Variants in CCDC87 observed in about 807,000 individuals in gnomAD.
CCDC87 encodes coiled-coil domain containing 87.
For synonymous variants in CCDC87, 434 were observed against 440.2 expected, an observed-to-expected ratio of 0.99 and a Z score of 0.18; for missense variants, 1,072 against 1,041.7, an observed-to-expected ratio of 1.03 and a Z score of -0.40.
At position 66,592,393 on chromosome 11, in the gene CCDC87, G is replaced by C. The variant is rs1185181070; in HGVS notation, c.623C>G (p.Pro208Arg). 1 of 1,613,982 alleles carries C rather than the reference G, an allele frequency of 6.2e-7. No homozygotes were observed. Among genetic ancestry groups the C allele is most frequent in the African/African-American group, 1.3e-5 (1 of 74,920 alleles). Reference sequence around the variant, plus strand: ...GCCAGTGCTGTGAGGCCAGGGGATAGGGCACAGCTTGAACGTCCCAGCGGG... The same window carrying C: ...GCCAGTGCTGTGAGGCCAGGGGATACGGCACAGCTTGAACGTCCCAGCGGG... ...VCPAGTFKLC[P>R]IPWPHSTGFA... The change falls in exon 1 of 1, where the codon CCT (proline) becomes CGT (arginine). Residue 208 changes from proline (P) to arginine (R), a missense_variant. By Grantham distance (103) the Pro-to-Arg change is moderately radical. Coordinates refer to ENST00000333861, the MANE Select transcript of CCDC87 (RefSeq NM_018219.3).
Position 66,593,058 on chromosome 11 carries a change from G to A in CCDC87, c.-43C>T. The A allele has an allele frequency of 6.7e-7, 1 of 1,495,850 alleles. No homozygotes were observed. The highest frequency in any genetic ancestry group is 8.9e-7 in the Non-Finnish European group (1 of 1,123,140). 92.7% of individuals were successfully genotyped at this position (1,495,850 alleles called of 1,614,324 possible). On this transcript the variant is annotated 5_prime_UTR_variant, in exon 1 of 1. Coordinates refer to ENST00000333861, the MANE Select transcript of CCDC87 (RefSeq NM_018219.3). ...CCGTCCAGGAACAGAAAGCCGAGGG[G>A]TTACTAAGGCAACCAGGAGCCCGAC...
Position 66,591,095 on chromosome 11 carries a change from G to C in CCDC87, c.1921C>G (p.Leu641Val). 3 of 1,614,154 alleles carry C rather than the reference G, an allele frequency of 1.9e-6. No homozygotes were observed. The highest frequency in any genetic ancestry group is 2.5e-6 in the Non-Finnish European group (3 of 1,180,052). The change falls in exon 1 of 1, where the codon CTA becomes GTA. Residue 641 changes from leucine to valine, a missense_variant. Transcript: ENST00000333861. ...ACAAAGTCTGGTTCTTCATCTTCTA[G>C]CAATGGGGGAGGGTGCTGAATCTCT... ...SLEIQHPPPL[L>V]EDEEPDFVPG...
rs1469450542 is a variant in CCDC87 at position 66,591,919 on chromosome 11, A to C, written c.1097T>G (p.Leu366Trp). 1.9e-6 allele frequency: 3 copies of C among 1,613,872 alleles called. No individual in the cohort carries two copies. In the Admixed American group the frequency reaches 5.0e-5, roughly 27 times the overall value. The change falls in exon 1 of 1, where the codon TTG becomes TGG. Residue 366 changes from leucine (L) to tryptophan (W), a missense_variant. Leu to Trp is a moderately conservative substitution (Grantham distance 61). Coordinates refer to ENST00000333861, the MANE Select transcript of CCDC87 (RefSeq NM_018219.3). Reference protein sequence around the residue: ...DLKQLIKKMKLEGTRYPPLDS... With the variant: ...DLKQLIKKMKWEGTRYPPLDS... The stretch of plus-strand genomic sequence containing the variant: ...CAGTGGTGGGTAGCGAGTCCCCTCC[A>C]ACTTCATCTTCTTTATCAACTGCTT...
chr11:66,591,481 C>T lies in CCDC87; in HGVS notation c.1535G>A (p.Gly512Glu). 5.0e-6 allele frequency: 8 copies of T among 1,614,074 alleles called. No individual in the cohort carries two copies. The highest frequency in any genetic ancestry group is 6.8e-6 in the Non-Finnish European group (8 of 1,180,014). Residue 512 changes from glycine to glutamate, a missense_variant, in exon 1 of 1, where the codon GGG becomes GAG. Transcript: ENST00000333861. ...ATCTGCTGCAGGCTCAACTAGGGGCCCTTGATCAAAATGTAAGTGGTCAGA... is the reference window on the plus strand; with the variant it reads ...ATCTGCTGCAGGCTCAACTAGGGGCTCTTGATCAAAATGTAAGTGGTCAGA... ...VSSDHLHFDQGPLVEPAADKD... is the reference protein window; with the variant it reads ...VSSDHLHFDQEPLVEPAADKD...
In CCDC87 at chr11:66,592,197, CTT is replaced by C. The variant is rs1221855871; in HGVS notation, c.817_818del (p.Lys273GlufsTer32). 1.2e-6 allele frequency: 2 copies of C among 1,604,992 alleles called. No homozygotes were observed. The highest frequency in any genetic ancestry group is 1.7e-5 in the Admixed American group (1 of 59,000). On this transcript the variant is annotated frameshift_variant, in exon 1 of 1. Transcript: ENST00000333861. LOFTEE classifies it low-confidence loss of function (END_TRUNC). Reference sequence around the variant, plus strand: ...GTGAGGAACTGATGTCGATTTCTCTCTTCTTTCCTATGGAGGGCAGCCAGTGG... The same window carrying C: ...GTGAGGAACTGATGTCGATTTCTCTCCTTTCCTATGGAGGGCAGCCAGTGG... Reference protein sequence around the residue: ...PFHWLPSIGKKREIDISSSQM... With the variant: ...PFHWLPSIGKXREIDISSSQM...
At position 66,592,484 on chromosome 11, in the gene CCDC87, C is replaced by A; in HGVS notation, c.532G>T (p.Asp178Tyr). ...SPNVYRGLLADFQALLRAEQA... is the reference protein window; with the variant it reads ...SPNVYRGLLAYFQALLRAEQA... ...TCTGCCCTCAGCAGGGCCTGGAAGT[C>A]GGCAAGCAGGCCACGGTAGACGTTG... The change falls in exon 1 of 1, where the codon GAC becomes TAC. Residue 178 changes from aspartate to tyrosine, a missense_variant. By Grantham distance (160) the Asp-to-Tyr change is radical. Transcript: ENST00000333861. 1 of 1,613,724 alleles carries A rather than the reference C, an allele frequency of 6.2e-7. No homozygotes were observed. Among genetic ancestry groups the A allele is most frequent in the Non-Finnish European group, 8.5e-7 (1 of 1,180,018 alleles).
chr11:66,591,098 A>G lies in CCDC87; in HGVS notation c.1918T>C (p.Leu640=). 1 of 1,614,064 alleles carries G rather than the reference A, an allele frequency of 6.2e-7. No homozygotes were observed. Among genetic ancestry groups the G allele is most frequent in the South Asian group, 1.1e-5 (1 of 91,080 alleles). Residue 640 remains leucine (L), a synonymous_variant, in exon 1 of 1, where the codon TTG becomes CTG. Coordinates refer to ENST00000333861, the MANE Select transcript of CCDC87 (RefSeq NM_018219.3). ...AAGTCTGGTTCTTCATCTTCTAGCA[A>G]TGGGGGAGGGTGCTGAATCTCTAGG... ...ESLEIQHPPP[L]LEDEEPDFVP... is the part of the protein sequence containing the mutation.
At position 66,591,372 on chromosome 11, in the gene CCDC87, A is replaced by AAGTCCAACC; in HGVS notation, c.1635_1643dup (p.Val546_Leu548dup). The AAGTCCAACC allele has an allele frequency of 6.2e-7, 1 of 1,614,116 alleles. No homozygotes were observed. Among genetic ancestry groups the AAGTCCAACC allele is most frequent in the South Asian group, 1.1e-5 (1 of 91,076 alleles). On this transcript the variant is annotated inframe_insertion, in exon 1 of 1. Transcript: ENST00000333861. The stretch of plus-strand genomic sequence containing the variant: ...GTAAAGTGTTTGCTCTCTGGGAGTA[A>AAGTCCAACC]AGTCCAACCAGCTCAGGGTTGATGA...
chr11:66,591,410 T>C lies in CCDC87; in HGVS notation c.1606A>G (p.Lys536Glu), dbSNP rs774464915. The change falls in exon 1 of 1, where the codon AAA becomes GAA. Residue 536 changes from lysine to glutamate, a missense_variant. Transcript: ENST00000333861. Reference sequence around the variant, plus strand: ...TCAGGGTTGATGATTTGAGGCTGTTTTTCTTGACGTAGAAAGGCTGAGGAC... The same window carrying C: ...TCAGGGTTGATGATTTGAGGCTGTTCTTCTTGACGTAGAAAGGCTGAGGAC... ...FLSSAFLRQEKQPQIINPELV... is the reference protein window; with the variant it reads ...FLSSAFLRQEEQPQIINPELV... The C allele has an allele frequency of 6.8e-6, 11 of 1,614,068 alleles. No individual in the cohort carries two copies. The highest frequency in any genetic ancestry group is 9.3e-6 in the Non-Finnish European group (11 of 1,180,044).
In CCDC87 at chr11:66,591,676, C is replaced by G. The variant is rs765956457; in HGVS notation, c.1340G>C (p.Arg447Pro). The change falls in exon 1 of 1, where the codon CGG becomes CCG. Residue 447 changes from arginine to proline, a missense_variant. By Grantham distance (103) the Arg-to-Pro change is moderately radical. Transcript: ENST00000333861. ...NEVVVQAAAV[R>P]VSDRNFLDSF... is the part of the protein sequence containing the mutation. Reference sequence around the variant, plus strand: ...GTCTAAGAAGTTTCTATCAGAGACCCGTACGGCAGCCGCCTGGACCACGAC... The same window carrying G: ...GTCTAAGAAGTTTCTATCAGAGACCGGTACGGCAGCCGCCTGGACCACGAC... 2.6e-5 allele frequency: 42 copies of G among 1,613,584 alleles called. No individual in the cohort carries two copies. The Admixed American group carries it at 6.5e-4, about 25-fold the overall frequency.
chr11:66,592,576 T>A lies in CCDC87; in HGVS notation c.440A>T (p.Glu147Val), dbSNP rs1345521531. ...GGCCAACCGGGTGAGGGTGGCTGAT[T>A]CAGTGAAGACCCCCCTGGGAGTCGA... ...TMSTPRGVFT[E>V]SATLTRLAAS... is the part of the protein sequence containing the mutation. The change falls in exon 1 of 1, where the codon GAA becomes GTA. Residue 147 changes from glutamate to valine, a missense_variant. Physicochemically the swap from Glu to Val is moderately radical, Grantham distance 121 (BLOSUM62 -2). Coordinates refer to ENST00000333861, the MANE Select transcript of CCDC87 (RefSeq NM_018219.3). 6.2e-7 allele frequency: 1 copy of A among 1,613,296 alleles called. No homozygotes were observed. The highest frequency in any genetic ancestry group is 1.7e-5 in the Admixed American group (1 of 60,028).
In CCDC87 at chr11:66,592,015, G is replaced by A; in HGVS notation, c.1001C>T (p.Pro334Leu). 3 of 1,613,878 alleles carry A rather than the reference G, an allele frequency of 1.9e-6. No homozygotes were observed. The highest frequency in any genetic ancestry group is 2.5e-6 in the Non-Finnish European group (3 of 1,180,014). ...ELGLPPLPSRPLTPLVLATES... is the reference protein window; with the variant it reads ...ELGLPPLPSRLLTPLVLATES... ...TGTAGCCAAGACCAGCGGGGTTAAG[G>A]GGCGAGATGGGAGTGGAGGAAGGCC... The change falls in exon 1 of 1, where the codon CCC (proline) becomes CTC (leucine). Residue 334 changes from proline to leucine, a missense_variant. Pro to Leu is a moderately conservative substitution (Grantham distance 98, BLOSUM62 -3). Transcript: ENST00000333861.
Position 66,591,798 on chromosome 11 carries a change from C to A in CCDC87, c.1218G>T (p.Gln406His), listed in dbSNP as rs1211722527. 1.2e-6 allele frequency: 2 copies of A among 1,613,424 alleles called. No homozygotes were observed. The highest frequency in any genetic ancestry group is 2.2e-5 in the South Asian group (2 of 91,056). The change falls in exon 1 of 1, where the codon CAG becomes CAT. Residue 406 changes from glutamine to histidine, a missense_variant. Transcript: ENST00000333861. ...CCCACTGCCCAGAGGCTTCTTCCTC[C>A]TGGAGGTTCCTCAACATCTTCTCCA... ...EELEKMLRNL[Q>H]EEEASGQWDP...
In CCDC87 at chr11:66,592,579, G is replaced by C. The variant is rs758883041; in HGVS notation, c.437C>G (p.Thr146Ser). ...VTMSTPRGVF[T>S]ESATLTRLAA... ...CAACCGGGTGAGGGTGGCTGATTCA[G>C]TGAAGACCCCCCTGGGAGTCGACAT... The change falls in exon 1 of 1, where the codon ACT becomes AGT. Residue 146 changes from threonine (T) to serine (S), a missense_variant. Physicochemically the swap from Thr to Ser is moderately conservative, Grantham distance 58. Transcript: ENST00000333861. 5 of 1,613,188 alleles carry C rather than the reference G, an allele frequency of 3.1e-6. No individual in the cohort carries two copies. The highest frequency in any genetic ancestry group is 4.2e-6 in the Non-Finnish European group (5 of 1,180,044).
At position 66,591,173 on chromosome 11, in the gene CCDC87, T is replaced by C; in HGVS notation, c.1843A>G (p.Met615Val). 4.3e-6 allele frequency: 7 copies of C among 1,614,230 alleles called. No homozygotes were observed. The highest frequency in any genetic ancestry group is 5.9e-6 in the Non-Finnish European group (7 of 1,180,030). ...ETDFLHVIFQMHEEEVPVEIV... is the reference protein window; with the variant it reads ...ETDFLHVIFQVHEEEVPVEIV... ...TCCACAGGAACCTCTTCTTCATGCA[T>C]TTGAAAGATGACATGAAGGAAATCT... The change falls in exon 1 of 1, where the codon ATG becomes GTG. Residue 615 changes from methionine to valine, a missense_variant. Transcript: ENST00000333861.
chr11:66,593,054 A>AG lies in CCDC87; in HGVS notation c.-40dup. ...GCCACCGTCCAGGAACAGAAAGCCG[A>AG]GGGGTTACTAAGGCAACCAGGAGCC... On this transcript the variant is annotated 5_prime_UTR_variant, in exon 1 of 1. Coordinates refer to ENST00000333861, the MANE Select transcript of CCDC87 (RefSeq NM_018219.3). 1.3e-6 allele frequency: 2 copies of AG among 1,499,538 alleles called. No individual in the cohort carries two copies. The highest frequency in any genetic ancestry group is 1.8e-6 in the Non-Finnish European group (2 of 1,125,644). 92.9% of individuals were successfully genotyped at this position (1,499,538 alleles called of 1,614,324 possible).
Position 66,592,638 on chromosome 11 carries a change from C to T in CCDC87, c.378G>A (p.Gln126=). 6.2e-7 allele frequency: 1 copy of T among 1,613,808 alleles called. No homozygotes were observed. Among genetic ancestry groups the T allele is most frequent in the African/African-American group, 1.3e-5 (1 of 75,082 alleles). Residue 126 remains glutamine (Q), a synonymous_variant, in exon 1 of 1, where the codon CAG becomes CAA. Transcript: ENST00000333861. ...LEAYVLLSSE[Q]LFLRYLHLLV... is the part of the protein sequence containing the mutation. ...GCAGGTGCAGGTAGCGCAAGAAGAG[C>T]TGCTCGCTGCTCAGCAGCACGTAGG...
rs1278383565 is a variant in CCDC87, at chr11:66,591,054, A to T, written c.1962T>A (p.Asp654Glu). The T allele has an allele frequency of 1.2e-6, 2 of 1,613,918 alleles. No individual in the cohort carries two copies. The highest frequency in any genetic ancestry group is 2.7e-5 in the African/African-American group (2 of 74,910). Residue 654 changes from aspartate (D) to glutamate (E), a missense_variant, in exon 1 of 1, where the codon GAT (aspartate) becomes GAA (glutamate). Physicochemically the swap from Asp to Glu is conservative, Grantham distance 45. Coordinates refer to ENST00000333861, the MANE Select transcript of CCDC87 (RefSeq NM_018219.3). ...GCCTGTGCTCTAGCACAGTGTTCCAATCCCACTCTCCTGGCACAAAGTCTG... is the reference window on the plus strand; with the variant it reads ...GCCTGTGCTCTAGCACAGTGTTCCATTCCCACTCTCCTGGCACAAAGTCTG... ...EEPDFVPGEW[D>E]WNTVLEHRLG...
rs201087681 is a variant in CCDC87 at position 66,592,599 on chromosome 11, C to G, written c.417G>C (p.Ser139=). 6.2e-7 allele frequency: 1 copy of G among 1,613,592 alleles called. No homozygotes were observed. Among genetic ancestry groups the G allele is most frequent in the African/African-American group, 1.3e-5 (1 of 75,066 alleles). Residue 139 remains serine (S), a synonymous_variant, in exon 1 of 1, where the codon TCG becomes TCC. Transcript: ENST00000333861. ...LRYLHLLVTM[S]TPRGVFTESA... Reference sequence around the variant, plus strand: ...ATTCAGTGAAGACCCCCCTGGGAGTCGACATGGTCACCAGCAGGTGCAGGT... The same window carrying G: ...ATTCAGTGAAGACCCCCCTGGGAGTGGACATGGTCACCAGCAGGTGCAGGT...
Sources: allele counts gnomAD v4.1 joint callset, GRCh38; gene constraint gnomAD v4.1.1; transcripts MANE v1.5; gene names NCBI Gene and HGNC (gene_info 2026-07-23, HGNC 2026-07-21).